CPN2: variants seen among roughly 807,000 people sequenced by gnomAD.
CPN2 encodes the protein carboxypeptidase N 83 kDa chain.
For synonymous variants in CPN2, 336 were observed against 318.4 expected, an observed-to-expected ratio of 1.06 and a Z score of -0.59; for missense variants, 620 against 671.4, an observed-to-expected ratio of 0.92 and a Z score of 0.85.
At chr3:194,347,657 C>A (rs1355967879) in intron 1 of CPN2, among the ~76,000 whole-genome samples, 7 of 146,662 alleles carry the variant, frequency 4.8e-5, no homozygotes, top group African/African-American at 7.6e-5. Context: ...CCAGTTCAGC[C>A]CACCCCATCC....
At position 194,342,095 on chromosome 3, in the gene CPN2, T is replaced by C. The variant is rs760221022; in HGVS notation, c.608A>G (p.Asn203Ser). The C allele has an allele frequency of 8.1e-6, 13 of 1,613,830 alleles. No individual in the cohort carries two copies. The highest frequency in any genetic ancestry group is 1.1e-5 in the Non-Finnish European group (13 of 1,179,976). The change falls in exon 2 of 2, where the codon AAC becomes AGC. Residue 203 changes from asparagine to serine, a missense_variant. Asn to Ser is a conservative substitution (Grantham distance 46, BLOSUM62 1). Coordinates refer to ENST00000323830, the MANE Select transcript of CPN2 (RefSeq NM_001080513.4). ...TSLQTLKLSN[N>S]ALSGLPQGVF... is the part of the protein sequence containing the mutation. ...ACCCTGGGGGAGACCAGAGAGCGCG[T>C]TGTTGCTCAGCTTCAGGGTCTGCAG...
chr3:194,347,281 A>G (rs1713079952), intron 1 of CPN2, among the ~76,000 whole-genome samples: 1 of 151,458 alleles, frequency 6.6e-6, no homozygotes, highest in South Asian at 2.1e-4. Flanking sequence ...ATGGGAGGGT[A>G]CGTTTCTGTG....
In CPN2 at chr3:194,340,799, G is replaced by C. The variant is rs1183006276; in HGVS notation, c.*266C>G. 2 of 464,932 alleles carry C rather than the reference G, an allele frequency of 4.3e-6. No individual in the cohort carries two copies. The highest frequency in any genetic ancestry group is 3.8e-5 in the African/African-American group (2 of 52,134). 28.8% of individuals were successfully genotyped at this position (464,932 alleles called of 1,614,324 possible). A position where few individuals can be genotyped will look rare whatever the true frequency, so the allele number is the denominator to read the frequency against. On this transcript the variant is annotated 3_prime_UTR_variant, in exon 2 of 2. Coordinates refer to ENST00000323830, the MANE Select transcript of CPN2 (RefSeq NM_001080513.4). ...AGGGCTGAGGATATTTTATTCTCCA[G>C]GCTGTGGTGCAGCTTTTGAGGGTGC... is the stretch of plus-strand genomic sequence containing the variant.
At position 194,341,732 on chromosome 3, in the gene CPN2, G is replaced by T; in HGVS notation, c.971C>A (p.Ala324Asp). 1 of 1,614,102 alleles carries T rather than the reference G, an allele frequency of 6.2e-7. No homozygotes were observed. The highest frequency in any genetic ancestry group is 8.5e-7 in the Non-Finnish European group (1 of 1,180,036). Reference protein sequence around the residue: ...NLRSLMLSYNAITHLPAGIFR... With the variant: ...NLRSLMLSYNDITHLPAGIFR... Reference sequence around the variant, plus strand: ...GATGCCAGCTGGGAGGTGGGTAATGGCATTGTATGAGAGCATGAGGGAACG... The same window carrying T: ...GATGCCAGCTGGGAGGTGGGTAATGTCATTGTATGAGAGCATGAGGGAACG... Residue 324 changes from alanine (A) to aspartate (D), a missense_variant, in exon 2 of 2, where the codon GCC becomes GAC. Transcript: ENST00000323830.
rs757478492 is a variant in CPN2 at position 194,349,778 on chromosome 3, CT to C, written c.-4+1463del. Among the ~76,000 whole-genome samples, 25 of 65,604 alleles carry C rather than the reference CT, an allele frequency of 3.8e-4. 1 individual carries two copies. Among genetic ancestry groups the C allele is most frequent in the African/African-American group, 1.4e-3 (23 of 16,156 alleles). The allele number at this position is 65,604 out of a possible 152,430, so 43.0% of individuals were successfully genotyped here. A position where few individuals can be genotyped will look rare whatever the true frequency, so the allele number is the denominator to read the frequency against. On this transcript the variant is annotated intron_variant, in intron 1 of 1. Coordinates refer to ENST00000323830, the MANE Select transcript of CPN2 (RefSeq NM_001080513.4). Reference sequence around the variant, plus strand: ...ATGAAGCCTTCCTGACTACCCTCTTCTTTTTTTTTTTTTTTTTTTTTTTTTT... The same window carrying C: ...ATGAAGCCTTCCTGACTACCCTCTTCTTTTTTTTTTTTTTTTTTTTTTTTT...
chr3:194,342,597 A>G lies in CPN2; in HGVS notation c.106T>C (p.Ser36Pro). ...CDCFVQEVFC[S>P]DEELATVPLD... Reference sequence around the variant, plus strand: ...GGGACGGTGGCAAGCTCCTCATCTGAGCAGAACACCTCCTGGACGAAGCAG... The same window carrying G: ...GGGACGGTGGCAAGCTCCTCATCTGGGCAGAACACCTCCTGGACGAAGCAG... The change falls in exon 2 of 2, where the codon TCA (serine) becomes CCA (proline). Residue 36 changes from serine to proline, a missense_variant. Transcript: ENST00000323830. 6.2e-7 allele frequency: 1 copy of G among 1,614,064 alleles called. No individual in the cohort carries two copies. Among genetic ancestry groups the G allele is most frequent in the Non-Finnish European group, 8.5e-7 (1 of 1,180,014 alleles).
At chr3:194,348,408 G>A (rs555683149) in intron 1 of CPN2, among the ~76,000 whole-genome samples, 3 of 152,022 alleles carry the variant, frequency 2.0e-5, no homozygotes, top group South Asian at 2.1e-4. Context: ...AACCAAGAAC[G>A]ACCATGATAA....
Position 194,340,699 on chromosome 3 carries a change from G to C in CPN2, c.*366C>G. The C allele has an allele frequency of 4.9e-6, 1 of 202,726 alleles. No individual in the cohort carries two copies. Among genetic ancestry groups the C allele is most frequent in the Non-Finnish European group, 9.9e-6 (1 of 101,002 alleles). The allele number at this position is 202,726 out of a possible 1,614,324, so 12.6% of individuals were successfully genotyped here. On this transcript the variant is annotated 3_prime_UTR_variant, in exon 2 of 2. Coordinates refer to ENST00000323830, the MANE Select transcript of CPN2 (RefSeq NM_001080513.4). ...GTCAGAAGGCAGTGGCCTCCACTTTGTATCACTGGGATGCAGTGAATAGAC... is the reference window on the plus strand; with the variant it reads ...GTCAGAAGGCAGTGGCCTCCACTTTCTATCACTGGGATGCAGTGAATAGAC...
Position 194,342,246 on chromosome 3 carries a change from G to A in CPN2, c.457C>T (p.Gln153Ter). The A allele has an allele frequency of 6.2e-7, 1 of 1,613,948 alleles. No individual in the cohort carries two copies. The highest frequency in any genetic ancestry group is 1.1e-5 in the South Asian group (1 of 91,076). ...GGCAGGGCCTGGAGCTGGTTCCCCT[G>A]CAGGTGGAGGGACTCCAGGGCAGCC... Reference protein sequence around the residue: ...HLAALESLHLQGNQLQALPRR... With the variant: ...HLAALESLHL Residue 153 changes from glutamine to a stop codon, truncating the protein, a stop_gained, in exon 2 of 2, where the codon CAG becomes TAG. Transcript: ENST00000323830. LOFTEE classifies it low-confidence loss of function (END_TRUNC).
In CPN2 at chr3:194,341,338, C is replaced by T. The variant is rs773525260; in HGVS notation, c.1365G>A (p.Gln455=). Residue 455 remains glutamine, a synonymous_variant, in exon 2 of 2, where the codon CAG becomes CAA. Coordinates refer to ENST00000323830, the MANE Select transcript of CPN2 (RefSeq NM_001080513.4). ...CPVTRDHLGF[Q]VTWPDESKAG... ...CCTTGCTTTCGTCCGGCCACGTGAC[C>T]TGGAAGCCCAAGTGGTCCCGGGTGA... is the stretch of plus-strand genomic sequence containing the variant. The T allele has an allele frequency of 1.2e-6, 2 of 1,613,920 alleles. No homozygotes were observed. The highest frequency in any genetic ancestry group is 2.2e-5 in the South Asian group (2 of 91,084).
In CPN2 at chr3:194,341,271, G is replaced by A. The variant is rs747271623; in HGVS notation, c.1432C>T (p.Arg478Trp). The A allele has an allele frequency of 1.5e-5, 24 of 1,613,216 alleles. No individual in the cohort carries two copies. The highest frequency in any genetic ancestry group is 4.5e-5 in the East Asian group (2 of 44,882). Residue 478 changes from arginine to tryptophan, a missense_variant, in exon 2 of 2, where the codon CGG becomes TGG. By Grantham distance (101) the Arg-to-Trp change is moderately radical. Coordinates refer to ENST00000323830, the MANE Select transcript of CPN2 (RefSeq NM_001080513.4). ...WDLAVQERAA[R>W]SQCTYSNPEG... ...GGGTTGCTGTAGGTGCACTGGCTCC[G>A]GGCTGCCCTTTCCTGCACAGCCAGA...
chr3:194,341,147 G>A lies in CPN2; in HGVS notation c.1556C>T (p.Ala519Val). Residue 519 changes from alanine (A) to valine (V), a missense_variant, in exon 2 of 2, where the codon GCT becomes GTT. By Grantham distance (64) the Ala-to-Val change is moderately conservative. Transcript: ENST00000323830. ...QQGSLGLQYN[A>V]SQEWDLRSSC... The stretch of plus-strand genomic sequence containing the variant: ...CGACCTCAGGTCCCACTCCTGACTA[G>A]CATTGTACTGCAGTCCCAGGGAGCC... 6.2e-7 allele frequency: 1 copy of A among 1,613,466 alleles called. No individual in the cohort carries two copies. Among genetic ancestry groups the A allele is most frequent in the Non-Finnish European group, 8.5e-7 (1 of 1,179,952 alleles).
rs1018503134 is a variant in CPN2, at chr3:194,342,120, G to A, written c.583C>T (p.Leu195=). The change falls in exon 2 of 2, where the codon CTG becomes TTG. Residue 195 remains leucine, a synonymous_variant. Transcript: ENST00000323830. ...TTGTTGCTCAGCTTCAGGGTCTGCA[G>A]GCTGGTGAGTGGGTGGAACAGCTCC... The part of the protein sequence containing the change: ...PEELFHPLTS[L]QTLKLSNNAL... 6.2e-7 allele frequency: 1 copy of A among 1,614,182 alleles called. No individual in the cohort carries two copies. Among genetic ancestry groups the A allele is most frequent in the Middle Eastern group, 1.6e-4 (1 of 6,062 alleles).
intron 1 of CPN2, among the ~76,000 whole-genome samples, chr3:194,343,422 A>G (rs1712936999): frequency 6.6e-6 from 1 of 152,260 alleles, no homozygotes; most frequent in African/African-American, 2.4e-5. Context: ...CATTGTTCAT[A>G]TATGAATCAG....
chr3:194,341,836 C>T lies in CPN2; in HGVS notation c.867G>A (p.Pro289=), dbSNP rs3732476. 1,058,619 of 1,613,794 alleles carry T rather than the reference C, an allele frequency of 0.66. 349,602 individuals are homozygous for T. The highest frequency in any genetic ancestry group is 0.72 in the East Asian group (32,420 of 44,858). The change falls in exon 2 of 2, where the codon CCG becomes CCA. Residue 289 remains proline, a synonymous_variant. Transcript: ENST00000323830. ...GGGTCAGAGACAGGCCAACCAGGCACGGGGTGTGGGCAAAGAGGCCGGCAG... is the reference window on the plus strand; with the variant it reads ...GGGTCAGAGACAGGCCAACCAGGCATGGGGTGTGGGCAAAGAGGCCGGCAG... ...VLPAGLFAHT[P]CLVGLSLTHN...
Position 194,342,596 on chromosome 3 carries a change from G to A in CPN2, c.107C>T (p.Ser36Leu), listed in dbSNP as rs567975075. ...CDCFVQEVFC[S>L]DEELATVPLD... ...TGGGACGGTGGCAAGCTCCTCATCT[G>A]AGCAGAACACCTCCTGGACGAAGCA... The change falls in exon 2 of 2, where the codon TCA (serine) becomes TTA (leucine). Residue 36 changes from serine to leucine, a missense_variant. Ser to Leu is a moderately radical substitution (Grantham distance 145). Coordinates refer to ENST00000323830, the MANE Select transcript of CPN2 (RefSeq NM_001080513.4). 5.0e-6 allele frequency: 8 copies of A among 1,614,106 alleles called. No homozygotes were observed. The African/African-American group carries it at 6.7e-5, about 13-fold the overall frequency.
At chr3:194,349,555 C>G (rs999599590) in intron 1 of CPN2, among the ~76,000 whole-genome samples, 3 of 152,124 alleles carry the variant, frequency 2.0e-5, no homozygotes, top group African/African-American at 7.2e-5. Context: ...TCCACACACA[C>G]AGTAGGGGCT....
In CPN2 at chr3:194,340,888, G is replaced by A. The variant is rs576911879; in HGVS notation, c.*177C>T. 1.1e-5 allele frequency: 11 copies of A among 967,606 alleles called. No individual in the cohort carries two copies. Among genetic ancestry groups the A allele is most frequent in the Non-Finnish European group, 1.3e-5 (9 of 680,394 alleles). 59.9% of individuals were successfully genotyped at this position (967,606 alleles called of 1,614,324 possible). A position where few individuals can be genotyped will look rare whatever the true frequency, so the allele number is the denominator to read the frequency against. On this transcript the variant is annotated 3_prime_UTR_variant, in exon 2 of 2. Transcript: ENST00000323830. ...TCCAGGAGAAGCGATGAAGGAAGAG[G>A]AGGAGGAGACCCTGGTTAGTGGAGC...
At chr3:194,342,801 A>G (rs537299350) in intron 1 of CPN2, 96 bp from the exon 2 acceptor site, 5 of 635,076 alleles carry the variant, frequency 7.9e-6, no homozygotes, top group African/African-American at 7.3e-5. Flanking sequence ...CATAGTGACC[A>G]GAGCACTGGA....
Sources: gnomAD v4.1 joint callset for allele counts (sites outside exome capture counted in the v4.1 genomes callset) on GRCh38, gnomAD v4.1.1 for gene constraint, MANE v1.5 for transcripts, NCBI Gene and HGNC (gene_info 2026-07-23, HGNC 2026-07-21) for gene names.